CTBP2: variants seen among roughly 807,000 people sequenced by gnomAD.
The protein encoded by CTBP2 is C-terminal binding protein 2, also known as C-terminal-binding protein 2.
In CTBP2, 30 loss-of-function variants were observed where a neutral mutation model predicts 80.3. The observed-to-expected ratio is 0.37, with a 90% CI of 0.28 to 0.51. The LOEUF is 0.51. Ranked by LOEUF, CTBP2 falls within the 20% of genes least tolerant of loss-of-function variation. The pLI is 0.93. For synonymous variants in CTBP2, 594 were observed against 587.4 expected (o/e 1.01, Z -0.16); for missense variants, 1,212 against 1,375.3 (o/e 0.88, Z 1.88).
intron 1 of CTBP2, among the ~76,000 whole-genome samples, chr10:125,144,358 G>C (rs1359134179): frequency 1.3e-5 from 2 of 152,192 alleles, no homozygotes; most frequent in Non-Finnish European, 2.9e-5. Context: ...TTAACTGTGA[G>C]CCCAGCCTAT....
chr10:125,045,128 G>A (rs550615385), intron 2 of CTBP2, among the ~76,000 whole-genome samples: 1 of 152,206 alleles, frequency 6.6e-6, no homozygotes, highest in African/African-American at 2.4e-5. Context: ...TCTGCCCTCA[G>A]GAACAGGATT....
chr10:125,042,154 G>T (rs1042845051), intron 2 of CTBP2, among the ~76,000 whole-genome samples: 1 of 152,152 alleles, frequency 6.6e-6, no homozygotes, highest in Non-Finnish European at 1.5e-5. Flanking sequence ...CCTCTCCCCC[G>T]ATATCTCTTG....
chr10:124,994,838 G>A (rs953040110), intron 4 of CTBP2, among the ~76,000 whole-genome samples, 155 bp from the exon 7 acceptor site: 2 of 152,266 alleles, frequency 1.3e-5, no homozygotes, highest in African/African-American at 4.8e-5. Flanking sequence ...GGCCTGAGGC[G>A]AGCACTGCCC....
At chr10:125,101,240 C>T (rs1007536692) in intron 2 of CTBP2, among the ~76,000 whole-genome samples, 4 of 152,240 alleles carry the variant, frequency 2.6e-5, no homozygotes, top group Non-Finnish European at 2.9e-5. Context: ...GCCGTGTTCC[C>T]GGCCTCTCCC....
intron 1 of CTBP2, among the ~76,000 whole-genome samples, chr10:125,149,661 A>G (rs913125022): frequency 1.3e-5 from 2 of 152,242 alleles, no homozygotes; most frequent in African/African-American, 4.8e-5. Context: ...ACGTGTTCAC[A>G]AAAAGAAGAG....
intron 1 of CTBP2, among the ~76,000 whole-genome samples, chr10:125,009,355 C>G (rs1955612131): frequency 6.6e-6 from 1 of 152,142 alleles, no homozygotes. Context: ...CAGCCTCATG[C>G]ACAATGATCC....
intron 2 of CTBP2, among the ~76,000 whole-genome samples, chr10:125,085,030 A>G (rs1171128097): frequency 1.3e-5 from 2 of 152,132 alleles, no homozygotes; most frequent in South Asian, 2.1e-4. Flanking sequence ...CCCAAAGATG[A>G]CCCGACCTGG....
At chr10:125,037,340 G>A (rs1056002905) in intron 3 of CTBP2, among the ~76,000 whole-genome samples, 2 of 152,218 alleles carry the variant, frequency 1.3e-5, no homozygotes, top group Non-Finnish European at 2.9e-5. Context: ...CATCCCTGGA[G>A]AATCCTGGGT....
chr10:125,153,160 T>C (rs1292408025), intron 1 of CTBP2, among the ~76,000 whole-genome samples: 1 of 152,194 alleles, frequency 6.6e-6, no homozygotes, highest in African/African-American at 2.4e-5. Context: ...CAGAGGACAA[T>C]GTTGGGCTTC....
intron 1 of CTBP2, among the ~76,000 whole-genome samples, chr10:125,007,938 G>A (rs1955443511): frequency 6.6e-6 from 1 of 151,950 alleles, no homozygotes; most frequent in Admixed American, 6.5e-5. Context: ...AGGAGGCAAA[G>A]GCTGGCTCTG....
In CTBP2 at chr10:124,984,731, T is replaced by C. The variant is rs779103265; in HGVS notation, c.*4787A>G. 1 of 1,583,868 alleles carries C rather than the reference T, an allele frequency of 6.3e-7. No homozygotes were observed. Among genetic ancestry groups the C allele is most frequent in the Non-Finnish European group, 8.6e-7 (1 of 1,160,622 alleles). On this transcript the variant is annotated 3_prime_UTR_variant, in exon 9 of 9. Transcript: ENST00000309035. ...TGTCACATTCCTACCAAGTCTCTGA[T>C]CTGTTGTATGATTTTCCCTTTGTCT...
At chr10:124,994,061 A>C (rs1953108149) in intron 5 of CTBP2, 76 bp from the exon 8 acceptor site, 1 of 1,571,636 alleles carries the variant, frequency 6.4e-7, no homozygotes, top group Admixed American at 1.8e-5. Context: ...TTAAAGAAGA[A>C]AGCTGCAAGC....
At chr10:125,128,315 A>G (rs541043982) in intron 1 of CTBP2, among the ~76,000 whole-genome samples, 1 of 152,320 alleles carries the variant, frequency 6.6e-6, no homozygotes, top group East Asian at 1.9e-4. Context: ...ACCAGGTACC[A>G]AAGGCCACGA....
intron 1 of CTBP2, among the ~76,000 whole-genome samples, chr10:125,016,922 G>A (rs1403323418): frequency 1.3e-5 from 2 of 152,240 alleles, no homozygotes; most frequent in Non-Finnish European, 2.9e-5. Context: ...GGGGAAACGT[G>A]TTGGGTTGAG....
At chr10:125,062,436 C>T (rs1162409155) in intron 2 of CTBP2, among the ~76,000 whole-genome samples, 1 of 128,500 alleles carries the variant, frequency 7.8e-6, no homozygotes, top group African/African-American at 3.6e-5. Context: ...GTTTAAAGCT[C>T]TAACACTGTA....
intron 6 of CTBP2, 97 bp downstream of exon 8, chr10:124,993,758 G>T: frequency 7.1e-7 from 1 of 1,417,170 alleles, no homozygotes. Context: ...CCTGCCCAGG[G>T]ACCTGTTTGG....
rs755005723 is a variant in CTBP2 at position 125,003,486 on chromosome 10, C to T, written c.1685G>A (p.Arg562His). 41 of 1,555,180 alleles carry T rather than the reference C, an allele frequency of 2.6e-5. No individual in the cohort carries two copies. The highest frequency in any genetic ancestry group is 3.4e-5 in the Non-Finnish European group (39 of 1,154,890). ...CAGGGGGCCGTTCATGATCTGGGGGCGGATACCTGCCAGGAGGGAAGGGGT... is the reference window on the plus strand; with the variant it reads ...CAGGGGGCCGTTCATGATCTGGGGGTGGATACCTGCCAGGAGGGAAGGGGT... Residue 562 changes from arginine (R) to histidine (H), a missense_variant, in exon 2 of 9, where the codon CGC becomes CAC. By Grantham distance (29) the Arg-to-His change is conservative. This residue lies in a region of CTBP2 where 29 missense variants were observed against 88.3 expected (regional missense o/e 0.33). Coordinates refer to ENST00000309035, the MANE Select transcript of CTBP2 (RefSeq NM_022802.3).
chr10:125,063,626 T>C (rs951592317), intron 2 of CTBP2, among the ~76,000 whole-genome samples: 1 of 152,202 alleles, frequency 6.6e-6, no homozygotes, highest in African/African-American at 2.4e-5. Flanking sequence ...TCCTACCAAA[T>C]GAAGCTGTAC....
At chr10:125,136,613 G>A (rs898595905) in intron 1 of CTBP2, among the ~76,000 whole-genome samples, 1 of 152,190 alleles carries the variant, frequency 6.6e-6, no homozygotes, top group Non-Finnish European at 1.5e-5. Context: ...CATTCTTGCA[G>A]GAATTATGCC....
Sources: allele counts gnomAD v4.1 joint callset (sites outside exome capture counted in the v4.1 genomes callset), GRCh38; gene constraint gnomAD v4.1.1; regional missense constraint gnomAD v4.1.1; transcripts MANE v1.5; gene names NCBI Gene and HGNC (gene_info 2026-07-23, HGNC 2026-07-21).